Variants in CACNA1E observed in about 807,000 individuals in gnomAD.
The protein encoded by CACNA1E is calcium voltage-gated channel subunit alpha1 E.
In CACNA1E, 40 loss-of-function variants were observed where a neutral mutation model predicts 259.2. That is an observed-to-expected ratio of 0.15 (90% CI 0.12 to 0.20). CACNA1E has a LOEUF of 0.20. CACNA1E is among the 10% of genes least tolerant of loss of function. The probability of loss-of-function intolerance (pLI) is 1.00; values close to 1 mark genes in which losing one functional copy is unlikely to be tolerated. For synonymous variants in CACNA1E, 1,104 were observed against 1,138.5 expected, an observed-to-expected ratio of 0.97 and a Z score of 0.61; for missense variants, 1,874 against 3,040.1, an observed-to-expected ratio of 0.62 and a Z score of 9.02.
Position 181,718,177 on chromosome 1 carries a change from C to G in CACNA1E, c.1638+10C>G. Reference sequence around the variant, plus strand: ...CTGCTTTGATTTTGGGGTAAGTCCTCGGAAGCCTGCCTCTGCTCCTGCTTC... The same window carrying G: ...CTGCTTTGATTTTGGGGTAAGTCCTGGGAAGCCTGCCTCTGCTCCTGCTTC... On this transcript the variant is annotated intron_variant, in intron 12 of 47. Transcript: ENST00000367573. 1 of 1,417,628 alleles carries G rather than the reference C, an allele frequency of 7.1e-7. No individual in the cohort carries two copies. Among genetic ancestry groups the G allele is most frequent in the Non-Finnish European group, 1.0e-6 (1 of 1,004,498 alleles). The allele number at this position is 1,417,628 out of a possible 1,614,324, so 87.8% of individuals were successfully genotyped here. A position where few individuals can be genotyped will look rare whatever the true frequency, so the allele number is the denominator to read the frequency against.
chr1:181,724,320 C>G, intron 16 of CACNA1E, 150 bp from the exon 17 acceptor site: 1 of 627,156 alleles, frequency 1.6e-6, no homozygotes, highest in East Asian at 2.8e-5. Flanking sequence ...ACATCTCCCT[C>G]TCTGTTCTCA....
intron 7 of CACNA1E, among the ~76,000 whole-genome samples, chr1:181,675,406 C>T (rs1649269471): frequency 6.6e-6 from 1 of 152,024 alleles, no homozygotes; most frequent in South Asian, 2.1e-4. Flanking sequence ...GAGAAAATAG[C>T]GTGTGAGAAA....
chr1:181,736,702 C>G (rs536607600), intron 22 of CACNA1E, among the ~76,000 whole-genome samples: 1 of 152,302 alleles, frequency 6.6e-6, no homozygotes, highest in East Asian at 1.9e-4. Flanking sequence ...AACTCTTTAC[C>G]AGTCTTTGGT....
At chr1:181,595,487 A>C (rs1653068518) in intron 6 of CACNA1E, among the ~76,000 whole-genome samples, 1 of 152,114 alleles carries the variant, frequency 6.6e-6, no homozygotes, top group African/African-American at 2.4e-5. Context: ...CTCTGTCACA[A>C]GCTTCCCTTT....
At chr1:181,401,426 A>C (rs529295064) in intron 1 of CACNA1E, among the ~76,000 whole-genome samples, 1 of 152,024 alleles carries the variant, frequency 6.6e-6, no homozygotes, top group East Asian at 1.9e-4. Context: ...GAATCTGTTT[A>C]TTTTTCTGTT....
At chr1:181,762,683 T>A in intron 33 of CACNA1E, 26 bp downstream of exon 33, 1 of 1,419,688 alleles carries the variant, frequency 7.0e-7, no homozygotes, top group East Asian at 2.3e-5. Flanking sequence ...GATCCATGTC[T>A]GTAAGCTTGG....
intron 1 of CACNA1E, among the ~76,000 whole-genome samples, chr1:181,357,471 C>T (rs542625277): frequency 3.3e-5 from 5 of 151,832 alleles, no homozygotes; most frequent in African/African-American, 9.7e-5. Flanking sequence ...TTCTGGGCTA[C>T]CACCCTTTGT....
chr1:181,521,335 A>G (rs183653145), intron 3 of CACNA1E, among the ~76,000 whole-genome samples: 27 of 152,314 alleles, frequency 1.8e-4, no homozygotes, highest in Non-Finnish European at 3.2e-4. Context: ...ATGACTAGCC[A>G]TGGGAGAGCT....
chr1:181,404,608 G>C (rs1246376153), intron 1 of CACNA1E, among the ~76,000 whole-genome samples: 1 of 152,194 alleles, frequency 6.6e-6, no homozygotes, highest in Non-Finnish European at 1.5e-5. Context: ...GATCCTAAAA[G>C]CTTTCAGAGA....
intron 6 of CACNA1E, among the ~76,000 whole-genome samples, chr1:181,647,411 G>GC (rs1189784326): frequency 6.6e-6 from 1 of 152,234 alleles, no homozygotes; most frequent in African/African-American, 2.4e-5. Context: ...TGTCACAGAA[G>GC]TTGGGGGGGA....
chr1:181,758,162 C>T lies in CACNA1E; in HGVS notation c.4494+51C>T, dbSNP rs945853369. On this transcript the variant is annotated intron_variant, in intron 31 of 47. Coordinates refer to ENST00000367573, the MANE Select transcript of CACNA1E (RefSeq NM_001205293.3). The surrounding 1 kb of genome is among the most constrained non-coding windows in gnomAD (Gnocchi z 4.2). ...GACTGAGCCCCAGCGATGGTTCCCT[C>T]CCAGGGCAAGTGGGAAGACACCCCA... 2 of 1,560,192 alleles carry T rather than the reference C, an allele frequency of 1.3e-6. No individual in the cohort carries two copies. Among genetic ancestry groups the T allele is most frequent in the African/African-American group, 2.7e-5 (2 of 73,920 alleles).
chr1:181,562,404 A>G (rs1649415714), intron 3 of CACNA1E, among the ~76,000 whole-genome samples: 2 of 152,154 alleles, frequency 1.3e-5, no homozygotes, highest in Non-Finnish European at 2.9e-5. Flanking sequence ...TCATATGATT[A>G]TTAAACAGTC....
At chr1:181,625,852 A>C (rs934430873) in intron 6 of CACNA1E, among the ~76,000 whole-genome samples, 1 of 152,142 alleles carries the variant, frequency 6.6e-6, no homozygotes, top group African/African-American at 2.4e-5. Flanking sequence ...TGCCTTCCTC[A>C]CTAAGCTTAA....
chr1:181,719,611 C>G, intron 12 of CACNA1E, 140 bp from the exon 13 acceptor site: 1 of 510,556 alleles, frequency 2.0e-6, no homozygotes, highest in Non-Finnish European at 3.6e-6. Flanking sequence ...GGTAGTTCTA[C>G]TGAAGGTAGG....
chr1:181,678,536 A>T (rs1649607072), intron 7 of CACNA1E, among the ~76,000 whole-genome samples: 1 of 152,238 alleles, frequency 6.6e-6, no homozygotes, highest in South Asian at 2.1e-4. Flanking sequence ...TATGTATCTA[A>T]CAAGGACATA....
chr1:181,774,287 A>G (rs185148137), intron 37 of CACNA1E, among the ~76,000 whole-genome samples: 1 of 152,392 alleles, frequency 6.6e-6, no homozygotes, highest in East Asian at 1.9e-4. Flanking sequence ...GTCTGGATAC[A>G]TGGAAAACCC....
intron 3 of CACNA1E, among the ~76,000 whole-genome samples, chr1:181,519,843 G>C (rs182457796): frequency 6.6e-6 from 1 of 152,336 alleles, no homozygotes; most frequent in East Asian, 1.9e-4. Context: ...CATGGAAACA[G>C]AGTTTAATCT....
At chr1:181,627,061 C>T (rs1484368897) in intron 6 of CACNA1E, among the ~76,000 whole-genome samples, 1 of 152,078 alleles carries the variant, frequency 6.6e-6, no homozygotes, top group Non-Finnish European at 1.5e-5. Flanking sequence ...TTCTGTACTT[C>T]TAAATGTTCA....
At chr1:181,319,022 G>A (rs1000355172) in intron 1 of CACNA1E, among the ~76,000 whole-genome samples, 1 of 152,174 alleles carries the variant, frequency 6.6e-6, no homozygotes, top group East Asian at 1.9e-4. Flanking sequence ...ACCCACCGAC[G>A]TCTCCCTTGA....
Sources: allele counts gnomAD v4.1 joint callset (sites outside exome capture counted in the v4.1 genomes callset), GRCh38; gene constraint gnomAD v4.1.1; non-coding constraint Gnocchi (gnomAD v3.1); transcripts MANE v1.5; gene names NCBI Gene and HGNC (gene_info 2026-07-23, HGNC 2026-07-21).